SLC35F4: variants seen among roughly 807,000 people sequenced by gnomAD.
SLC35F4 encodes the protein chromosome 14 open reading frame 36.
Under a neutral mutation model 44.2 loss-of-function variants are expected in SLC35F4, and 24 were observed. The observed-to-expected ratio is 0.54, with a 90% CI of 0.39 to 0.76. The LOEUF (loss-of-function observed/expected upper bound fraction) is 0.76. Among genes scored for constraint, SLC35F4 ranks in the 30% least tolerant of loss-of-function variants. The pLI is 0.00. For synonymous variants in SLC35F4, 238 were observed against 223.6 expected (o/e 1.06, Z -0.57); for missense variants, 562 against 586.1 (o/e 0.96, Z 0.42).
intron 1 of SLC35F4, among the ~76,000 whole-genome samples, chr14:57,778,733 TCAG>T (rs2077551230): frequency 6.7e-6 from 1 of 149,720 alleles, no homozygotes; most frequent in South Asian, 2.1e-4. Context: ...AAAACAATGC[TCAG>T]CAAATTAAAA....
chr14:57,866,961 A>AATT (rs1888181183), upstream of SLC35F4, among the ~76,000 whole-genome samples: 1 of 79,584 alleles, frequency 1.3e-5, no homozygotes, highest in African/African-American at 7.5e-5. Flanking sequence ...TCCTGCAAAT[A>AATT]ATAATAATAA....
At position 57,977,844 on chromosome 14, in the gene SLC35F4, A is replaced by G. The variant is rs564464591; in HGVS notation, n.152-887T>C. On this transcript the variant is annotated intron_variant and non_coding_transcript_variant, in intron 1 of 1. Coordinates refer to the SLC35F4 transcript ENST00000554648. ...GGCCCCGAAAGACAGTGGAGAAAGG[A>G]AATCTTCTCAATGGACAGAACTGGG... is the stretch of plus-strand genomic sequence containing the variant. Among the ~76,000 whole-genome samples the G allele has an allele frequency of 1.4e-4, 21 of 152,276 alleles. No homozygotes were observed. In the East Asian group the frequency reaches 1.7e-3, roughly 13 times the overall value.
intron 1 of SLC35F4, among the ~76,000 whole-genome samples, chr14:57,685,109 CAGA>C (rs753214640): frequency 2.0e-5 from 3 of 151,946 alleles, no homozygotes; most frequent in Non-Finnish European, 1.5e-5. Context: ...TTATCAATGC[CAGA>C]AGAAGCAGAT....
chr14:57,750,849 G>T (rs1208482908), intron 1 of SLC35F4, among the ~76,000 whole-genome samples: 1 of 152,098 alleles, frequency 6.6e-6, no homozygotes, highest in East Asian at 1.9e-4. Flanking sequence ...TAATTTGTAG[G>T]CAGTTTCACT....
chr14:57,976,389 A>G (rs2141098134), downstream of SLC35F4, among the ~76,000 whole-genome samples: 1 of 152,344 alleles, frequency 6.6e-6, no homozygotes, highest in Middle Eastern at 3.4e-3. Context: ...CTTAATAGCT[A>G]GCAGAACATT....
At chr14:57,648,474 T>C (rs67234220) in intron 1 of SLC35F4, among the ~76,000 whole-genome samples, 49,487 of 152,096 alleles carry the variant, frequency 0.33, 8,120 homozygotes, top group East Asian at 0.48. Context: ...TTTATTGCCA[T>C]TTTTTTCTTA....
chr14:57,849,634 G>C (rs1399944414), intron 1 of SLC35F4, among the ~76,000 whole-genome samples: 4 of 152,080 alleles, frequency 2.6e-5, no homozygotes. Flanking sequence ...GAAAACAAAA[G>C]AGCTACTAAA....
At chr14:57,689,266 C>T (rs966234268) in intron 1 of SLC35F4, among the ~76,000 whole-genome samples, 1 of 152,120 alleles carries the variant, frequency 6.6e-6, no homozygotes, top group Non-Finnish European at 1.5e-5. Context: ...CTCTGTCTTA[C>T]CCCCAGGCCA....
At chr14:57,855,944 A>T (rs964427764) in intron 1 of SLC35F4, among the ~76,000 whole-genome samples, 1 of 152,102 alleles carries the variant, frequency 6.6e-6, no homozygotes, top group Non-Finnish European at 1.5e-5. Context: ...CAAGAACAGA[A>T]AAACAAACAC....
At chr14:57,675,061 C>T (rs1054822650) in intron 1 of SLC35F4, among the ~76,000 whole-genome samples, 1 of 152,072 alleles carries the variant, frequency 6.6e-6, no homozygotes, top group Non-Finnish European at 1.5e-5. Context: ...ATTCCACTTA[C>T]ATAAAATTCT....
chr14:57,761,481 T>C (rs1052974949), intron 1 of SLC35F4, among the ~76,000 whole-genome samples: 1 of 152,034 alleles, frequency 6.6e-6, no homozygotes, highest in Non-Finnish European at 1.5e-5. Flanking sequence ...AGAACAAAAA[T>C]TGTGTACAAA....
chr14:57,890,250 C>A (rs1337893178), intron 1 of SLC35F4, among the ~76,000 whole-genome samples: 2 of 152,138 alleles, frequency 1.3e-5, no homozygotes, highest in South Asian at 2.1e-4. Flanking sequence ...ATCCTGGAGA[C>A]AAACAAGATC....
intron 1 of SLC35F4, among the ~76,000 whole-genome samples, chr14:57,647,065 G>A (rs1288941146): frequency 6.6e-6 from 1 of 152,150 alleles, no homozygotes; most frequent in Admixed American, 6.5e-5. Flanking sequence ...TTTGGAATAG[G>A]TGTCATGTGG....
chr14:57,902,351 G>A (rs562291238), intron 1 of SLC35F4, among the ~76,000 whole-genome samples: 9 of 152,186 alleles, frequency 5.9e-5, no homozygotes, highest in African/African-American at 1.9e-4. Context: ...ATCACCTGAC[G>A]TCAGGAGTTT....
chr14:57,646,409 G>A (rs141837866), intron 1 of SLC35F4, among the ~76,000 whole-genome samples: 3,311 of 152,194 alleles, frequency 0.022, 64 homozygotes, highest in South Asian at 0.075. Flanking sequence ...GTTTATTTGC[G>A]TAGAGGTATC....
chr14:57,703,868 G>A (rs533128386), intron 1 of SLC35F4, among the ~76,000 whole-genome samples: 104 of 152,028 alleles, frequency 6.8e-4, no homozygotes, highest in Non-Finnish European at 1.3e-3. Context: ...CTTAAAGGGC[G>A]TAATTTTTTC....
chr14:57,636,241 C>T (rs75469203), intron 1 of SLC35F4, among the ~76,000 whole-genome samples: 6,189 of 152,126 alleles, frequency 0.041, 390 homozygotes, highest in African/African-American at 0.14. Flanking sequence ...AGGAACAGCC[C>T]GATGGGAACT....
At chr14:57,761,520 C>T (rs560077746) in intron 1 of SLC35F4, among the ~76,000 whole-genome samples, 1 of 152,074 alleles carries the variant, frequency 6.6e-6, no homozygotes, top group Non-Finnish European at 1.5e-5. Context: ...TAAGTTATTA[C>T]AATAATTTCT....
At chr14:57,905,868 A>T (rs1889095531) in intron 1 of SLC35F4, among the ~76,000 whole-genome samples, 1 of 152,182 alleles carries the variant, frequency 6.6e-6, no homozygotes, top group African/African-American at 2.4e-5. Flanking sequence ...AAAATGGAAG[A>T]ACAGGGGAAA....
Sources: gnomAD v4.1 joint callset for allele counts (sites outside exome capture counted in the v4.1 genomes callset) on GRCh38, gnomAD v4.1.1 for gene constraint, MANE v1.5 for transcripts, NCBI Gene and HGNC (gene_info 2026-07-23, HGNC 2026-07-21) for gene names.